The following ATOSA variants were observed in gnomAD, a reference collection of about 807,000 sequenced individuals.
ATOSA encodes atos homolog protein A.
At chr15:52,703,445 C>T in the ATOSA span, among the ~76,000 whole-genome samples, 1 of 152,080 alleles carries the variant, frequency 6.6e-6, no homozygotes, top group Admixed American at 6.6e-5. Context: ...CTATTTCTTG[C>T]CCATCAGTTT....
At chr15:52,614,827 G>A in the ATOSA span, among the ~76,000 whole-genome samples, 2,050 of 151,742 alleles carry the variant, frequency 0.014, 19 homozygotes, top group Middle Eastern at 0.02. Context: ...CAGCCTGGGC[G>A]ACAGAGCAAG....
At chr15:52,668,214 CTA>C in the ATOSA span, among the ~76,000 whole-genome samples, 1 of 152,140 alleles carries the variant, frequency 6.6e-6, no homozygotes, top group Admixed American at 6.5e-5. Flanking sequence ...TAATGGAATA[CTA>C]TAGAGCCACA....
At chr15:52,690,432 G>C in the ATOSA span, among the ~76,000 whole-genome samples, 1 of 152,142 alleles carries the variant, frequency 6.6e-6, no homozygotes, top group Non-Finnish European at 1.5e-5. Context: ...CATGGTTTCC[G>C]AATATATTAC....
At chr15:52,690,340 T>C in the ATOSA span, among the ~76,000 whole-genome samples, 1 of 152,256 alleles carries the variant, frequency 6.6e-6, no homozygotes, top group Non-Finnish European at 1.5e-5. Flanking sequence ...TTTAGACTCC[T>C]TGGGTCTTAA....
the ATOSA span, among the ~76,000 whole-genome samples, chr15:52,697,965 T>A: frequency 1.0e-5 from 1 of 96,844 alleles, no homozygotes; most frequent in Non-Finnish European, 2.0e-5. Context: ...GAATTTTTTT[T>A]TTTTTTTTTT....
the ATOSA span, among the ~76,000 whole-genome samples, chr15:52,651,520 C>T: frequency 1.3e-5 from 2 of 152,154 alleles, no homozygotes; most frequent in African/African-American, 2.4e-5. Context: ...ATACCTCCTG[C>T]CCCCACATAC....
At chr15:52,603,114 A>G in the ATOSA span, among the ~76,000 whole-genome samples, 23 of 152,204 alleles carry the variant, frequency 1.5e-4, no homozygotes, top group Admixed American at 3.3e-4. Flanking sequence ...GGCATTTTAA[A>G]TCACCTCTTA....
the ATOSA span, among the ~76,000 whole-genome samples, chr15:52,625,639 C>T: frequency 6.6e-6 from 1 of 152,120 alleles, no homozygotes; most frequent in East Asian, 1.9e-4. Flanking sequence ...TCTGCATCTA[C>T]ACAATAAACA....
the ATOSA span, among the ~76,000 whole-genome samples, chr15:52,625,424 T>C: frequency 1.3e-5 from 2 of 152,162 alleles, no homozygotes; most frequent in Admixed American, 6.5e-5. Flanking sequence ...CAGAACAGTA[T>C]TTTCTAATAT....
chr15:52,587,363 T>G, the ATOSA span: 1,043 of 645,236 alleles, frequency 1.6e-3, 15 homozygotes, highest in African/African-American at 0.018. Flanking sequence ...TAGAGATACA[T>G]TCTATGTTTC....
At chr15:52,658,459 A>G in the ATOSA span, 1 of 332,246 alleles carries the variant, frequency 3.0e-6, no homozygotes, top group Non-Finnish European at 5.4e-6. Context: ...GAATACCTCA[A>G]TAGTTTTCAC....
At chr15:52,636,695 C>G in the ATOSA span, among the ~76,000 whole-genome samples, 1 of 152,080 alleles carries the variant, frequency 6.6e-6, no homozygotes, top group Non-Finnish European at 1.5e-5. Flanking sequence ...TTATGGCAGG[C>G]TGAGCTGATT....
the ATOSA span, among the ~76,000 whole-genome samples, chr15:52,644,608 G>A: frequency 0.01 from 1,565 of 152,198 alleles, 24 homozygotes; most frequent in African/African-American, 0.036. Flanking sequence ...CTTATTTCTG[G>A]TTAAAGTGAT....
chr15:52,589,528 C>G, the ATOSA span, among the ~76,000 whole-genome samples: 1 of 136,456 alleles, frequency 7.3e-6, no homozygotes, highest in African/African-American at 2.5e-5. Context: ...AACACAGTAA[C>G]TAAATCAATT....
At chr15:52,639,730 A>T in the ATOSA span, among the ~76,000 whole-genome samples, 1 of 152,104 alleles carries the variant, frequency 6.6e-6, no homozygotes, top group East Asian at 1.9e-4. Flanking sequence ...TTAGGCTCTC[A>T]CTATATGCCA....
At chr15:52,679,985 A>G in the ATOSA span, among the ~76,000 whole-genome samples, 1 of 119,046 alleles carries the variant, frequency 8.4e-6, no homozygotes, top group Non-Finnish European at 1.7e-5. Flanking sequence ...GCCCACCCCC[A>G]CCCTAGATTT....
At chr15:52,646,857 A>T in the ATOSA span, among the ~76,000 whole-genome samples, 4 of 152,194 alleles carry the variant, frequency 2.6e-5, no homozygotes, top group Non-Finnish European at 5.9e-5. Flanking sequence ...TCCCCCTAGC[A>T]AGGGGGTTGA....
At chr15:52,609,118 T>A in the ATOSA span, 2 of 1,613,462 alleles carry the variant, frequency 1.2e-6, no homozygotes, top group African/African-American at 1.3e-5. Flanking sequence ...CTGTGTCTCC[T>A]GATACGTACT....
the ATOSA span, among the ~76,000 whole-genome samples, chr15:52,630,706 A>G: frequency 6.6e-6 from 1 of 152,200 alleles, no homozygotes; most frequent in Non-Finnish European, 1.5e-5. Flanking sequence ...AATCTTGTAC[A>G]TGTATGCTAG....
Sources: allele counts gnomAD v4.1 joint callset (sites outside exome capture counted in the v4.1 genomes callset), GRCh38; gene constraint gnomAD v4.1.1; transcripts MANE v1.5; gene names NCBI Gene and HGNC (gene_info 2026-07-23, HGNC 2026-07-21).